Variants in FUT8 observed in about 807,000 individuals in gnomAD.
FUT8 encodes the protein fucosyltransferase 8.
In FUT8, 29 loss-of-function variants were observed where a neutral mutation model predicts 71.3. The observed-to-expected ratio is 0.41, with a 90% confidence interval of 0.30 to 0.55. FUT8 has a LOEUF of 0.55. FUT8 is among the 20% of genes least tolerant of loss of function. The pLI is 0.34. For missense variants in FUT8, 544 were observed against 702.1 expected (o/e 0.77, Z 2.55); for synonymous variants, 254 against 239.3 (o/e 1.06, Z -0.57).
chr14:65,390,321 C>CAAA, the FUT8 span, among the ~76,000 whole-genome samples: 1 of 73,446 alleles, frequency 1.4e-5, no homozygotes, highest in East Asian at 2.8e-4. Context: ...GACTTCGTCT[C>CAAA]AAAAAAAAAA....
rs147055816 is a variant in FUT8 at position 65,740,769 on chromosome 14, C to G, written c.1411-1324C>G. On this transcript the variant is annotated intron_variant, in intron 10 of 10. Transcript: ENST00000673929. Reference sequence around the variant, plus strand: ...GGTGATGGTTTTAACCATGAGAAACCGCCCCCATGATCCAATCACCTCCCA... The same window carrying G: ...GGTGATGGTTTTAACCATGAGAAACGGCCCCCATGATCCAATCACCTCCCA... 6.7e-3 allele frequency among the ~76,000 whole-genome samples: 1,014 copies of G among 151,972 alleles called. 11 individuals carry two copies. The highest frequency in any genetic ancestry group is 0.041 in the Middle Eastern group (12 of 294).
upstream of FUT8, chr14:65,412,116 A>G: frequency 2.2e-6 from 1 of 455,902 alleles, no homozygotes; most frequent in Non-Finnish European, 4.4e-6. Context: ...CGGGCATCGA[A>G]CTCAGGCCCT....
At chr14:65,618,010 C>CTT (rs1491464239) in intron 5 of FUT8, among the ~76,000 whole-genome samples, 14 of 87,000 alleles carry the variant, frequency 1.6e-4, no homozygotes, top group South Asian at 1.1e-3. Context: ...AAAATTAATT[C>CTT]ATATATATAT....
intron 3 of FUT8, among the ~76,000 whole-genome samples, chr14:65,593,839 G>C (rs548745581): frequency 4.6e-5 from 7 of 152,236 alleles, no homozygotes; most frequent in African/African-American, 1.7e-4. Context: ...GCCTCCCAAA[G>C]TGCTGGGATT....
chr14:65,733,236 C>G lies in FUT8; in HGVS notation c.1265C>G (p.Pro422Arg). 3.8e-6 allele frequency: 6 copies of G among 1,585,380 alleles called. No homozygotes were observed. Among genetic ancestry groups the G allele is most frequent in the Non-Finnish European group, 4.3e-6 (5 of 1,161,948 alleles). Residue 422 changes from proline to arginine, a missense_variant, in exon 10 of 11, where the codon CCC becomes CGC. By Grantham distance (103) the Pro-to-Arg change is moderately radical. Coordinates refer to ENST00000673929, the MANE Select transcript of FUT8 (RefSeq NM_001371533.1). ...AAATTAATTTATTTTTTCAGGTACC[C>G]CAATTATGAATTTATTAGTGATAAC... ...SLLKEAKTKY[P>R]NYEFISDNSI...
the FUT8 span, among the ~76,000 whole-genome samples, chr14:65,401,972 G>A: frequency 3.0e-4 from 45 of 151,324 alleles, no homozygotes; most frequent in African/African-American, 1.0e-3. Flanking sequence ...TGGGGAATGC[G>A]GAAACGTGAG....
At chr14:65,442,413 G>T (rs60613453) in intron 1 of FUT8, among the ~76,000 whole-genome samples, 1 of 151,696 alleles carries the variant, frequency 6.6e-6, no homozygotes, top group Non-Finnish European at 1.5e-5. Context: ...CTCATGATCC[G>T]CCTGCTTCAG....
chr14:65,741,861 T>G (rs1377890860), intron 10 of FUT8, among the ~76,000 whole-genome samples: 2 of 152,018 alleles, frequency 1.3e-5, no homozygotes, highest in Non-Finnish European at 2.9e-5. Flanking sequence ...GAGATTTTAA[T>G]TGTAATAATC....
chr14:65,509,833 G>A (rs1476872805), intron 2 of FUT8, among the ~76,000 whole-genome samples: 2 of 151,920 alleles, frequency 1.3e-5, no homozygotes, highest in South Asian at 2.1e-4. Context: ...ATAGTTTTTT[G>A]GTGGATTTTT....
At chr14:65,465,285 G>A (rs2066026210) in intron 2 of FUT8, among the ~76,000 whole-genome samples, 1 of 152,052 alleles carries the variant, frequency 6.6e-6, no homozygotes, top group East Asian at 1.9e-4. Context: ...TACATTCAAT[G>A]CTAAAAATTA....
At chr14:65,710,759 A>G (rs747321993) in intron 7 of FUT8, among the ~76,000 whole-genome samples, 3 of 152,194 alleles carry the variant, frequency 2.0e-5, no homozygotes, top group African/African-American at 7.2e-5. Context: ...TTGCATTGCT[A>G]TAAAGTAATA....
intron 2 of FUT8, among the ~76,000 whole-genome samples, chr14:65,490,316 A>G (rs1191052550): frequency 6.6e-6 from 1 of 152,102 alleles, no homozygotes; most frequent in African/African-American, 2.4e-5. Flanking sequence ...AGGTTCCCAT[A>G]ACCTTTTAGT....
intron 3 of FUT8, among the ~76,000 whole-genome samples, chr14:65,611,722 G>A (rs921189816): frequency 5.3e-5 from 8 of 152,002 alleles, no homozygotes; most frequent in East Asian, 1.9e-4. Flanking sequence ...GTTCAAAGGC[G>A]TGATCTCGAC....
In FUT8 at chr14:65,614,823, TCA is replaced by T. The variant is rs530313362; in HGVS notation, c.204-1152_204-1151del. 9.1e-4 allele frequency among the ~76,000 whole-genome samples: 138 copies of T among 152,352 alleles called. No individual in the cohort carries two copies. The Middle Eastern group carries it at 0.024, about 26-fold the overall frequency. On this transcript the variant is annotated intron_variant, in intron 3 of 10. Transcript: ENST00000673929. ...TTTCTTTTGCCATAAAGAGTAATAT[TCA>T]CAGATTTCATGATTAGGTTATGGAT...
At chr14:65,455,494 A>G (rs2065883949) in intron 1 of FUT8, 127 bp from the exon 2 acceptor site, 2 of 391,332 alleles carry the variant, frequency 5.1e-6, no homozygotes, top group South Asian at 1.4e-4. Flanking sequence ...TCAGTGTACA[A>G]AATAAGTGAA....
At chr14:65,533,017 T>C (rs1884061208) in intron 2 of FUT8, among the ~76,000 whole-genome samples, 1 of 152,002 alleles carries the variant, frequency 6.6e-6, no homozygotes, top group Non-Finnish European at 1.5e-5. Flanking sequence ...TTGTTTTGTT[T>C]TGTTTGTTTA....
chr14:65,611,000 A>G (rs1888857979), intron 3 of FUT8, among the ~76,000 whole-genome samples: 1 of 151,390 alleles, frequency 6.6e-6, no homozygotes, highest in Admixed American at 6.6e-5. Flanking sequence ...CTCTGGTTTG[A>G]TATCCAGATA....
At chr14:65,632,290 A>G (rs1188192463) in intron 6 of FUT8, among the ~76,000 whole-genome samples, 2 of 152,196 alleles carry the variant, frequency 1.3e-5, no homozygotes, top group Non-Finnish European at 2.9e-5. Flanking sequence ...TAGTTCTTTA[A>G]GAATCTCCAC....
the FUT8 span, among the ~76,000 whole-genome samples, chr14:65,357,191 G>C: frequency 6.6e-6 from 1 of 152,230 alleles, no homozygotes; most frequent in Non-Finnish European, 1.5e-5. Flanking sequence ...GGATTTGTTA[G>C]TGTATTTAAA....
Sources: allele counts gnomAD v4.1 joint callset (sites outside exome capture counted in the v4.1 genomes callset), GRCh38; gene constraint gnomAD v4.1.1; transcripts MANE v1.5; gene names NCBI Gene and HGNC (gene_info 2026-07-23, HGNC 2026-07-21).